The following NHSL1 variants were observed in gnomAD, a reference collection of about 807,000 sequenced individuals.
The protein encoded by NHSL1 is NHS-like protein 1.
NHSL1 carries 48 observed loss-of-function variants against 95.0 expected under a neutral mutation model. That is an observed-to-expected ratio of 0.51 (90% CI 0.40 to 0.64). The LOEUF (loss-of-function observed/expected upper bound fraction) is 0.64. Ranked by LOEUF, NHSL1 falls within the 30% of genes least tolerant of loss-of-function variation. The pLI, the probability that NHSL1 is intolerant of heterozygous loss-of-function variation, is 0.00. For synonymous variants in NHSL1, 783 were observed against 833.9 expected, an observed-to-expected ratio of 0.94 and a Z score of 1.05; for missense variants, 1,971 against 2,077.7, an observed-to-expected ratio of 0.95 and a Z score of 1.00.
chr6:138,674,300 T>C (rs572605641), intron 1 of NHSL1, among the ~76,000 whole-genome samples: 3 of 152,232 alleles, frequency 2.0e-5, no homozygotes, highest in Admixed American at 2.0e-4. Flanking sequence ...AAGCGTGTAA[T>C]TTGGTTATTT....
At chr6:138,503,256 G>A (rs969319145), upstream of NHSL1, among the ~76,000 whole-genome samples, 1 of 152,024 alleles carries the variant, frequency 6.6e-6, no homozygotes, top group Non-Finnish European at 1.5e-5. Context: ...TTCCTCTCCT[G>A]CATATGATGG....
intron 1 of NHSL1, among the ~76,000 whole-genome samples, chr6:138,577,696 C>G (rs915048591): frequency 6.6e-6 from 1 of 152,068 alleles, no homozygotes; most frequent in Non-Finnish European, 1.5e-5. Context: ...TAGCTTAGGA[C>G]AGCGTACAGT....
chr6:138,535,724 G>A (rs1442853078), intron 1 of NHSL1, among the ~76,000 whole-genome samples: 3 of 152,208 alleles, frequency 2.0e-5, no homozygotes, highest in Non-Finnish European at 4.4e-5. Context: ...CATGAGGTCA[G>A]TTAGACATCC....
In NHSL1 at chr6:138,433,532, G is replaced by A. The variant is rs374458398; in HGVS notation, c.813C>T (p.Val271=). ...DSSCQTEDVK[V]VPPSMRRIRA... is the part of the protein sequence containing the mutation. ...TGATTCTCCTCATGGAAGGTGGTAC[G>A]ACCTTCACATCCTCCGTCTGACAGC... is the stretch of plus-strand genomic sequence containing the variant. The change falls in exon 6 of 8, where the codon GTC becomes GTT. Residue 271 remains valine (V), a synonymous_variant. Coordinates refer to ENST00000343505, the MANE Select transcript of NHSL1 (RefSeq NM_001144060.2). 198 of 1,551,926 alleles carry A rather than the reference G, an allele frequency of 1.3e-4. 1 individual carries two copies. The African/African-American group carries it at 1.8e-3, about 14-fold the overall frequency.
intron 2 of NHSL1, 105 bp from the exon 3 acceptor site, chr6:138,473,538 T>C: frequency 8.1e-7 from 1 of 1,232,682 alleles, no homozygotes; most frequent in Non-Finnish European, 1.0e-6. Context: ...AGTTATATTT[T>C]TCTAGGCATT....
chr6:138,653,888 C>A (rs945066815), intron 1 of NHSL1, among the ~76,000 whole-genome samples: 5 of 152,286 alleles, frequency 3.3e-5, no homozygotes, highest in African/African-American at 1.2e-4. Context: ...TATTCTATTT[C>A]TTTGTTTACA....
chr6:138,560,831 T>C (rs1783383694), intron 1 of NHSL1, among the ~76,000 whole-genome samples: 3 of 152,372 alleles, frequency 2.0e-5, no homozygotes, highest in Admixed American at 2.0e-4. Context: ...ATACCCAGTT[T>C]CTGCTTTAGC....
At position 138,431,587 on chromosome 6, in the gene NHSL1, G is replaced by A; in HGVS notation, c.2758C>T (p.Leu920=). The A allele has an allele frequency of 6.4e-7, 1 of 1,551,650 alleles. No homozygotes were observed. Among genetic ancestry groups the A allele is most frequent in the Non-Finnish European group, 8.7e-7 (1 of 1,146,954 alleles). ...GGGGGAGAGCCCACGGCTGGATCCA[G>A]CTTCTTCATAGTGCCACTTCCTTCA... ...STEGSGTMKK[L]DPAVGSPPAP... The change falls in exon 6 of 8, where the codon CTG becomes TTG. Residue 920 remains leucine, a synonymous_variant. Transcript: ENST00000343505. This position sits in a 1 kb window ranked among gnomAD's most constrained non-coding sequence, Gnocchi z 4.0.
intron 1 of NHSL1, among the ~76,000 whole-genome samples, chr6:138,602,796 CT>C (rs752337264): frequency 6.6e-6 from 1 of 152,064 alleles, no homozygotes; most frequent in East Asian, 1.9e-4. Flanking sequence ...TATAGCATGC[CT>C]TTTGTTCTTT....
intron 1 of NHSL1, among the ~76,000 whole-genome samples, chr6:138,532,266 T>C (rs1312224092): frequency 6.6e-6 from 1 of 152,198 alleles, no homozygotes; most frequent in Non-Finnish European, 1.5e-5. Flanking sequence ...CATTCTGTCA[T>C]GAAGGGCTCC....
chr6:138,472,777 G>A (rs1778834265), intron 3 of NHSL1, among the ~76,000 whole-genome samples: 1 of 152,166 alleles, frequency 6.6e-6, no homozygotes, highest in Admixed American at 6.5e-5. Context: ...ATGTAAAATA[G>A]CATCACTAAA....
chr6:138,606,215 C>G (rs1312798647), intron 1 of NHSL1, among the ~76,000 whole-genome samples: 5 of 152,218 alleles, frequency 3.3e-5, no homozygotes, highest in Non-Finnish European at 4.4e-5. Context: ...AGAGGAAAGA[C>G]CTGGCACCTT....
chr6:138,589,937 A>C (rs1353712859), intron 1 of NHSL1, among the ~76,000 whole-genome samples: 1 of 152,112 alleles, frequency 6.6e-6, no homozygotes. Context: ...GAATGTGCTG[A>C]CCGGGCTGGC....
At chr6:138,494,318 G>T (rs561073022) in intron 2 of NHSL1, among the ~76,000 whole-genome samples, 8 of 152,260 alleles carry the variant, frequency 5.3e-5, no homozygotes, top group East Asian at 3.9e-4. Flanking sequence ...ATTGTTAAAG[G>T]CAGTATAGTG....
At chr6:138,524,725 A>T (rs575659418) in intron 1 of NHSL1, among the ~76,000 whole-genome samples, 1 of 152,122 alleles carries the variant, frequency 6.6e-6, no homozygotes, top group South Asian at 2.1e-4. Flanking sequence ...GCTGGGTCAG[A>T]GTGTGTGCAT....
At chr6:138,560,929 T>C (rs139814908) in intron 1 of NHSL1, among the ~76,000 whole-genome samples, 33 of 152,370 alleles carry the variant, frequency 2.2e-4, no homozygotes, top group African/African-American at 7.7e-4. Context: ...CTTATTCTCA[T>C]GTTCTCTAGT....
chr6:138,530,935 CTG>C (rs1782108140), intron 1 of NHSL1, among the ~76,000 whole-genome samples: 2 of 152,120 alleles, frequency 1.3e-5, no homozygotes, highest in South Asian at 4.1e-4. Context: ...CAAAAACCAT[CTG>C]TTCAATAGTT....
At chr6:138,450,192 G>GCACACACACA (rs56866574) in intron 3 of NHSL1, among the ~76,000 whole-genome samples, 1 of 150,786 alleles carries the variant, frequency 6.6e-6, no homozygotes. Context: ...CTTGAGATGT[G>GCACACACACA]CACACACACA....
intron 1 of NHSL1, among the ~76,000 whole-genome samples, chr6:138,664,331 C>T (rs1785266981): frequency 1.3e-5 from 2 of 152,336 alleles, no homozygotes; most frequent in South Asian, 4.1e-4. Flanking sequence ...GCCAAGTAGG[C>T]TGGGTACCCA....
Sources: allele counts gnomAD v4.1 joint callset (sites outside exome capture counted in the v4.1 genomes callset), GRCh38; gene constraint gnomAD v4.1.1; non-coding constraint Gnocchi (gnomAD v3.1); transcripts MANE v1.5; gene names NCBI Gene and HGNC (gene_info 2026-07-23, HGNC 2026-07-21).